Variants in ARB2A observed in about 807,000 individuals in gnomAD.
ARB2A encodes the protein cotranscriptional regulator ARB2A.
the ARB2A span, among the ~76,000 whole-genome samples, chr5:93,867,498 A>G: frequency 2.6e-5 from 4 of 151,908 alleles, no homozygotes; most frequent in African/African-American, 9.7e-5. Context: ...GCTCACTACA[A>G]CCTCCGCCTC....
At chr5:94,083,980 T>C in the ARB2A span, among the ~76,000 whole-genome samples, 1 of 151,960 alleles carries the variant, frequency 6.6e-6, no homozygotes, top group African/African-American at 2.4e-5. Context: ...TCATTAATAA[T>C]AGCAAAAATT....
chr5:93,925,288 G>A, the ARB2A span, among the ~76,000 whole-genome samples: 1 of 152,134 alleles, frequency 6.6e-6, no homozygotes. Context: ...ACACAGCATT[G>A]TACGAGACTA....
At chr5:93,673,545 C>T in the ARB2A span, among the ~76,000 whole-genome samples, 49 of 152,224 alleles carry the variant, frequency 3.2e-4, no homozygotes, top group Non-Finnish European at 5.4e-4. Context: ...AAAGACACTT[C>T]GTTTAAAGAA....
the ARB2A span, among the ~76,000 whole-genome samples, chr5:93,971,206 G>T: frequency 6.6e-6 from 1 of 152,014 alleles, no homozygotes; most frequent in Non-Finnish European, 1.5e-5. Context: ...CACCCTGTTA[G>T]CCAGGATGGT....
At chr5:94,085,168 G>C in the ARB2A span, among the ~76,000 whole-genome samples, 5 of 152,168 alleles carry the variant, frequency 3.3e-5, no homozygotes, top group African/African-American at 4.8e-5. Flanking sequence ...TCTTATACAT[G>C]TACACCAGGG....
chr5:93,959,536 C>T, the ARB2A span, among the ~76,000 whole-genome samples: 1 of 151,944 alleles, frequency 6.6e-6, no homozygotes, highest in Non-Finnish European at 1.5e-5. Flanking sequence ...GCCAGGAATA[C>T]CACTAAACTT....
the ARB2A span, chr5:93,738,490 TTATATGTAA>T: frequency 6.6e-6 from 1 of 152,212 alleles, no homozygotes; most frequent in African/African-American, 2.4e-5. Flanking sequence ...AAATAGATTA[TTATATGTAA>T]ATGTTCATAG....
the ARB2A span, among the ~76,000 whole-genome samples, chr5:93,668,758 TC>T: frequency 1.3e-5 from 2 of 152,218 alleles, no homozygotes; most frequent in Non-Finnish European, 2.9e-5. Context: ...TAAAAGCTAT[TC>T]TTATCAAAGT....
At chr5:94,018,304 C>CT in the ARB2A span, among the ~76,000 whole-genome samples, 7 of 152,170 alleles carry the variant, frequency 4.6e-5, no homozygotes, top group Admixed American at 4.6e-4. Flanking sequence ...TTACAAATGC[C>CT]TTTTTCTTGA....
the ARB2A span, among the ~76,000 whole-genome samples, chr5:94,107,917 C>T: frequency 2.0e-5 from 3 of 152,206 alleles, no homozygotes; most frequent in African/African-American, 7.2e-5. Context: ...TACCCTCCAT[C>T]CCATGCCAAT....
At chr5:93,821,807 G>T in the ARB2A span, among the ~76,000 whole-genome samples, 1 of 151,978 alleles carries the variant, frequency 6.6e-6, no homozygotes, top group African/African-American at 2.4e-5. Flanking sequence ...TTTGCTTAAA[G>T]GAATCCATTG....
chr5:94,078,609 G>A, the ARB2A span, among the ~76,000 whole-genome samples: 1 of 152,088 alleles, frequency 6.6e-6, no homozygotes, highest in Non-Finnish European at 1.5e-5. Flanking sequence ...GAAAATGGTG[G>A]CTTTTATAAC....
the ARB2A span, among the ~76,000 whole-genome samples, chr5:93,808,057 A>G: frequency 6.6e-5 from 10 of 152,030 alleles, no homozygotes; most frequent in Admixed American, 1.3e-4. Flanking sequence ...TGCAAATAGA[A>G]GCACGTCCTG....
At chr5:94,093,050 C>T in the ARB2A span, among the ~76,000 whole-genome samples, 1 of 151,990 alleles carries the variant, frequency 6.6e-6, no homozygotes, top group Non-Finnish European at 1.5e-5. Flanking sequence ...TTTCTATAAC[C>T]TTTCATTTCA....
chr5:94,005,720 C>A, the ARB2A span, among the ~76,000 whole-genome samples: 1 of 151,958 alleles, frequency 6.6e-6, no homozygotes, highest in African/African-American at 2.4e-5. Flanking sequence ...AGAAAACAGC[C>A]AAAAGACATT....
At chr5:93,826,692 T>C in the ARB2A span, among the ~76,000 whole-genome samples, 561 of 151,862 alleles carry the variant, frequency 3.7e-3, 4 homozygotes, top group Non-Finnish European at 6.7e-3. Flanking sequence ...TGTGCTGCAC[T>C]CATTAACTCG....
chr5:93,905,078 G>A, the ARB2A span, among the ~76,000 whole-genome samples: 4 of 151,592 alleles, frequency 2.6e-5, no homozygotes, highest in Non-Finnish European at 5.9e-5. Flanking sequence ...TCTGTCCTAC[G>A]AATTGTCTCT....
chr5:93,852,690 A>C, the ARB2A span, among the ~76,000 whole-genome samples: 1 of 152,132 alleles, frequency 6.6e-6, no homozygotes, highest in Non-Finnish European at 1.5e-5. Context: ...CAGTTTTCCC[A>C]GCACCATTTA....
the ARB2A span, among the ~76,000 whole-genome samples, chr5:93,807,895 T>G: frequency 6.6e-6 from 1 of 151,990 alleles, no homozygotes; most frequent in African/African-American, 2.4e-5. Context: ...TTGAGACATC[T>G]GCAGTAAAGT....
Sources: gnomAD v4.1 joint callset for allele counts (sites outside exome capture counted in the v4.1 genomes callset) on GRCh38, gnomAD v4.1.1 for gene constraint, MANE v1.5 for transcripts, NCBI Gene and HGNC (gene_info 2026-07-23, HGNC 2026-07-21) for gene names.